Variants in BTBD9 observed in about 807,000 individuals in gnomAD.
BTBD9 encodes the protein BTB domain containing 9, also known as BTB/POZ domain-containing protein 9.
In BTBD9, 49 loss-of-function variants were observed where a neutral mutation model predicts 64.3. The ratio of observed to expected loss-of-function variants is 0.76; its 90% CI spans 0.61 to 0.97. The LOEUF (loss-of-function observed/expected upper bound fraction) is 0.97. Ranked by LOEUF, BTBD9 falls within the 50% of genes least tolerant of loss-of-function variation. The pLI, the probability that BTBD9 is intolerant of heterozygous loss-of-function variation, is 0.00. For synonymous variants in BTBD9, 260 were observed against 274.7 expected (o/e 0.95, Z 0.53); for missense variants, 598 against 762.1 (o/e 0.78, Z 2.53).
At chr6:38,438,059 G>A (rs1293342235) in intron 6 of BTBD9, among the ~76,000 whole-genome samples, 1 of 151,808 alleles carries the variant, frequency 6.6e-6, no homozygotes, top group Non-Finnish European at 1.5e-5. Flanking sequence ...GATACGAAGC[G>A]AGGATATTTT....
At chr6:38,405,599 T>C (rs963571391) in intron 6 of BTBD9, among the ~76,000 whole-genome samples, 14 of 151,882 alleles carry the variant, frequency 9.2e-5, no homozygotes, top group Admixed American at 3.9e-4. Context: ...TTGGTTCTGT[T>C]GTTAAAAAAA....
At chr6:38,351,714 T>C (rs1244844602) in intron 6 of BTBD9, among the ~76,000 whole-genome samples, 8 of 152,102 alleles carry the variant, frequency 5.3e-5, no homozygotes, top group African/African-American at 1.4e-4. Flanking sequence ...TTAGCCAGTA[T>C]GGTCTCGATC....
rs188144187 is a variant in BTBD9, at chr6:38,635,489, T to G, written c.-28+4311A>C. ...AATTTTAGAACTACTATGGTTTGCA[T>G]GTGTCCTCCATGTGTTAGAGGAGAC... is the stretch of plus-strand genomic sequence containing the variant. On this transcript the variant is annotated intron_variant, in intron 1 of 10. Coordinates refer to ENST00000481247, the MANE Select transcript of BTBD9 (RefSeq NM_001099272.2). 3.4e-4 allele frequency among the ~76,000 whole-genome samples: 51 copies of G among 152,232 alleles called. 2 individuals carry two copies. The highest frequency in any genetic ancestry group is 4.4e-5 in the Non-Finnish European group (3 of 68,044).
rs1766747252 is a variant in BTBD9, at chr6:38,171,267, T to A, written c.*3718A>T. The A allele has an allele frequency of 6.6e-6, 1 of 152,224 alleles. No homozygotes were observed. Among genetic ancestry groups the A allele is most frequent in the Non-Finnish European group, 1.5e-5 (1 of 68,038 alleles). The allele number at this position is 152,224 out of a possible 1,614,324, so 9.4% of individuals were successfully genotyped here. ...CAGTTTGACAACTGGGGCGACAGCA[T>A]AATACTGGGCAATTTTTTGCACAAT... On this transcript the variant is annotated 3_prime_UTR_variant, in exon 11 of 11. Coordinates refer to ENST00000481247, the MANE Select transcript of BTBD9 (RefSeq NM_001099272.2).
chr6:38,364,234 C>G (rs1052153015), intron 6 of BTBD9, among the ~76,000 whole-genome samples: 6 of 152,126 alleles, frequency 3.9e-5, no homozygotes. Context: ...TGTCCTTGAT[C>G]TTGCAGCTGA....
intron 6 of BTBD9, among the ~76,000 whole-genome samples, chr6:38,434,697 T>C (rs1179589595): frequency 1.3e-5 from 2 of 151,966 alleles, no homozygotes; most frequent in Admixed American, 1.3e-4. Context: ...AAAGACTGAA[T>C]TCAAATTCAA....
chr6:38,637,978 C>T (rs897216080), intron 1 of BTBD9, among the ~76,000 whole-genome samples: 1 of 152,238 alleles, frequency 6.6e-6, no homozygotes, highest in Non-Finnish European at 1.5e-5. Context: ...GCTAAGCCAT[C>T]TCTCTCCAGT....
chr6:38,485,528 A>G (rs1771355806), intron 6 of BTBD9, among the ~76,000 whole-genome samples: 1 of 152,214 alleles, frequency 6.6e-6, no homozygotes, highest in Admixed American at 6.5e-5. Context: ...ATCTCCTTGT[A>G]CAGCTCCATC....
At chr6:38,404,707 C>A (rs906499000) in intron 6 of BTBD9, among the ~76,000 whole-genome samples, 1 of 152,136 alleles carries the variant, frequency 6.6e-6, no homozygotes, top group African/African-American at 2.4e-5. Context: ...GTTGTTACTG[C>A]AGATAAGGGA....
rs973349651 is a variant in BTBD9, at chr6:38,454,239, C to T, written c.1155-109146G>A. Among the ~76,000 whole-genome samples the T allele has an allele frequency of 3.5e-4, 53 of 151,986 alleles. 2 individuals carry two copies. The highest frequency in any genetic ancestry group is 4.4e-5 in the Non-Finnish European group (3 of 68,004). On this transcript the variant is annotated intron_variant, in intron 6 of 10. Coordinates refer to ENST00000481247, the MANE Select transcript of BTBD9 (RefSeq NM_001099272.2). Reference sequence around the variant, plus strand: ...TCTGGCGGACACAGCTATTTTATTGCATATAAGGACAAACTCTTAAAAAAC... The same window carrying T: ...TCTGGCGGACACAGCTATTTTATTGTATATAAGGACAAACTCTTAAAAAAC...
At chr6:38,438,184 GAAGGAGGA>G (rs796193112) in intron 6 of BTBD9, among the ~76,000 whole-genome samples, 5 of 132,060 alleles carry the variant, frequency 3.8e-5, no homozygotes, top group Admixed American at 3.3e-4. Context: ...AGGAAGGAAG[GAAGGAGGA>G]AAGGAGGAAA....
At chr6:38,311,763 T>C (rs1582210181) in intron 7 of BTBD9, among the ~76,000 whole-genome samples, 1 of 152,268 alleles carries the variant, frequency 6.6e-6, no homozygotes, top group Admixed American at 6.5e-5. Context: ...GTCTTTTGGA[T>C]AAAAGCTATT....
intron 3 of BTBD9, among the ~76,000 whole-genome samples, chr6:38,593,552 T>TA (rs996236676): frequency 1.2e-4 from 18 of 152,174 alleles, no homozygotes; most frequent in African/African-American, 4.3e-4. Context: ...AGCAGGGACT[T>TA]AAAGACATCA....
chr6:38,488,765 C>T (rs1224219680), intron 6 of BTBD9, among the ~76,000 whole-genome samples: 4 of 151,918 alleles, frequency 2.6e-5, no homozygotes, highest in South Asian at 2.1e-4. Flanking sequence ...AAAAGTGGTA[C>T]ACATTCATTA....
chr6:38,329,224 C>A (rs536281427), intron 7 of BTBD9, among the ~76,000 whole-genome samples: 1 of 151,466 alleles, frequency 6.6e-6, no homozygotes, highest in Non-Finnish European at 1.5e-5. Flanking sequence ...CTGTGCTGAA[C>A]ATTTATGTAG....
intron 6 of BTBD9, among the ~76,000 whole-genome samples, chr6:38,576,206 C>A (rs1776024322): frequency 6.6e-6 from 1 of 152,168 alleles, no homozygotes; most frequent in Non-Finnish European, 1.5e-5. Flanking sequence ...AATGCAGACT[C>A]AATCTCCTCC....
intron 8 of BTBD9, among the ~76,000 whole-genome samples, chr6:38,282,779 T>C (rs1481508785): frequency 2.0e-5 from 3 of 152,232 alleles, no homozygotes; most frequent in Non-Finnish European, 4.4e-5. Flanking sequence ...CTTTGGGATC[T>C]GCTCACACTT....
chr6:38,229,263 G>C (rs6917654), intron 9 of BTBD9, among the ~76,000 whole-genome samples: 40 of 151,846 alleles, frequency 2.6e-4, no homozygotes, highest in Non-Finnish European at 5.3e-4. Flanking sequence ...GATACACACA[G>C]AAAATAGTAA....
intron 8 of BTBD9, among the ~76,000 whole-genome samples, chr6:38,275,067 C>T (rs541186490): frequency 2.2e-4 from 34 of 152,134 alleles, no homozygotes; most frequent in East Asian, 5.8e-4. Context: ...AGAACAAAGT[C>T]GGAGGCATCA....
Sources: gnomAD v4.1 joint callset for allele counts (sites outside exome capture counted in the v4.1 genomes callset) on GRCh38, gnomAD v4.1.1 for gene constraint, MANE v1.5 for transcripts, NCBI Gene and HGNC (gene_info 2026-07-23, HGNC 2026-07-21) for gene names.